KIF2A: variants seen among roughly 807,000 people sequenced by gnomAD.
KIF2A encodes the protein kinesin family member 2A, also known as kinesin-like protein KIF2A.
A neutral mutation model predicts 100.2 loss-of-function variants in KIF2A; 22 were observed. That is an observed-to-expected ratio of 0.22 (90% CI 0.16 to 0.31). KIF2A has a LOEUF of 0.31. KIF2A is among the 10% of genes least tolerant of loss of function. KIF2A has a pLI of 1.00. For missense variants in KIF2A, 495 were observed against 898.7 expected, an observed-to-expected ratio of 0.55 and a Z score of 5.74; for synonymous variants, 268 against 285.9, an observed-to-expected ratio of 0.94 and a Z score of 0.63.
chr5:62,352,630 A>C lies in KIF2A; in HGVS notation c.377A>C (p.Gln126Pro), dbSNP rs768119919. 2.5e-6 allele frequency: 4 copies of C among 1,603,480 alleles called. No individual in the cohort carries two copies. The highest frequency in any genetic ancestry group is 2.7e-5 in the African/African-American group (2 of 74,794). Residue 126 changes from glutamine to proline, a missense_variant, in exon 5 of 21, where the codon CAG becomes CCG. Physicochemically the swap from Gln to Pro is moderately conservative, Grantham distance 76. Transcript: ENST00000407818. ...GCACGGCCCAGTCAATTTCCTGAAC[A>C]GTCTTCCTCTGCACAACAGAATGGT... The part of the protein sequence containing the change: ...ARARPSQFPE[Q>P]SSSAQQNGSV...
chr5:62,350,097 AC>A lies in KIF2A; in HGVS notation c.314del (p.Pro105LeufsTer56). The A allele has an allele frequency of 6.3e-7, 1 of 1,587,990 alleles. No homozygotes were observed. Among genetic ancestry groups the A allele is most frequent in the East Asian group, 2.3e-5 (1 of 44,362 alleles). ...CGGACTGTAGCTTCTATTAAGAATG[AC>A]CCTCCTTCAAGAGATAATAGAGGTA... is the stretch of plus-strand genomic sequence containing the variant. ...NRRTVASIKN[D>X]PPSRDNRVVG... On this transcript the variant is annotated frameshift_variant, in exon 4 of 21. Transcript: ENST00000407818. LOFTEE classifies it high-confidence loss of function.
At chr5:62,383,145 T>C (rs150134885) in intron 20 of KIF2A, among the ~76,000 whole-genome samples, 1 of 151,500 alleles carries the variant, frequency 6.6e-6, no homozygotes, top group African/African-American at 2.4e-5. Context: ...CAGGCTGGTA[T>C]CGAACTCCTG....
At chr5:62,321,961 C>G (rs1438461406) in intron 1 of KIF2A, among the ~76,000 whole-genome samples, 2 of 152,174 alleles carry the variant, frequency 1.3e-5, no homozygotes, top group East Asian at 3.8e-4. Flanking sequence ...CACTCTGTCA[C>G]CCAGGCTGGA....
chr5:62,353,928 C>T (rs555543791), intron 6 of KIF2A, among the ~76,000 whole-genome samples: 1 of 149,306 alleles, frequency 6.7e-6, no homozygotes, highest in Non-Finnish European at 1.5e-5. Flanking sequence ...TGGTCTTTTA[C>T]TCTTCTACAG....
intron 3 of KIF2A, 104 bp from the exon 4 acceptor site, chr5:62,349,962 T>A (rs1462061387): frequency 8.9e-6 from 6 of 677,816 alleles, no homozygotes; most frequent in Non-Finnish European, 1.5e-5. Flanking sequence ...TGTTTTATAT[T>A]CTTACATGTC....
chr5:62,369,691 G>A (rs999219446), intron 16 of KIF2A, among the ~76,000 whole-genome samples: 3 of 149,500 alleles, frequency 2.0e-5, no homozygotes, highest in African/African-American at 7.4e-5. Context: ...TTTTTTAACA[G>A]CCAAAAATAA....
intron 16 of KIF2A, among the ~76,000 whole-genome samples, chr5:62,370,233 T>G (rs952338416): frequency 6.6e-6 from 1 of 152,186 alleles, no homozygotes; most frequent in African/African-American, 2.4e-5. Flanking sequence ...CAGTACACAT[T>G]GCTGCTAAGT....
At chr5:62,336,322 G>A (rs1746943849) in intron 1 of KIF2A, among the ~76,000 whole-genome samples, 1 of 152,196 alleles carries the variant, frequency 6.6e-6, no homozygotes, top group African/African-American at 2.4e-5. Context: ...CCGCTGATTT[G>A]CTCCTGGAGC....
At chr5:62,367,598 T>C (rs1184030076) in intron 16 of KIF2A, among the ~76,000 whole-genome samples, 1 of 152,178 alleles carries the variant, frequency 6.6e-6, no homozygotes, top group Non-Finnish European at 1.5e-5. Flanking sequence ...TTACATTTTG[T>C]TATTCATATT....
intron 1 of KIF2A, among the ~76,000 whole-genome samples, chr5:62,318,915 T>G (rs1745965925): frequency 2.0e-5 from 3 of 152,334 alleles, no homozygotes; most frequent in African/African-American, 7.2e-5. Flanking sequence ...TCCTCAAGTT[T>G]ACTTCAGTAT....
At chr5:62,342,129 A>G (rs1223914806) in intron 1 of KIF2A, among the ~76,000 whole-genome samples, 1 of 152,142 alleles carries the variant, frequency 6.6e-6, no homozygotes, top group African/African-American at 2.4e-5. Context: ...TTGTTGCTAT[A>G]ATCTTCTTGT....
At chr5:62,376,400 A>C (rs1005008354) in intron 18 of KIF2A, among the ~76,000 whole-genome samples, 1 of 143,786 alleles carries the variant, frequency 7.0e-6, no homozygotes, top group Non-Finnish European at 1.5e-5. Flanking sequence ...AGATCGGAGA[A>C]GTTTTTTTTG....
In KIF2A at chr5:62,381,068, TTC is replaced by T. The variant is rs145423193; in HGVS notation, c.2014-48_2014-47del. On this transcript the variant is annotated intron_variant, in intron 19 of 20. Transcript: ENST00000407818. ...ATATTTAACAGAATTGTAATTTGGTTTCTGTTGCACAAAGATGCTTATTGGAT... is the reference window on the plus strand; with the variant it reads ...ATATTTAACAGAATTGTAATTTGGTTTGTTGCACAAAGATGCTTATTGGAT... 13,354 of 1,438,810 alleles carry T rather than the reference TTC, an allele frequency of 9.3e-3. 784 individuals are homozygous for T. The African/African-American group carries it at 0.15, about 16-fold the overall frequency. 89.1% of individuals were successfully genotyped at this position (1,438,810 alleles called of 1,614,324 possible).
intron 1 of KIF2A, among the ~76,000 whole-genome samples, chr5:62,332,942 G>A (rs1278770466): frequency 6.6e-6 from 1 of 152,202 alleles, no homozygotes; most frequent in Non-Finnish European, 1.5e-5. Context: ...GTATATGAGA[G>A]GCTGTAGAAA....
intron 1 of KIF2A, among the ~76,000 whole-genome samples, chr5:62,323,212 C>T (rs541235130): frequency 1.7e-4 from 25 of 150,470 alleles, no homozygotes; most frequent in African/African-American, 5.4e-4. Flanking sequence ...GCCAAGATCA[C>T]GCCATTGCAC....
In KIF2A at chr5:62,343,167, A is replaced by G. The variant is rs1046695069; in HGVS notation, c.65-3963A>G. Among the ~76,000 whole-genome samples, 5 of 152,206 alleles carry G rather than the reference A, an allele frequency of 3.3e-5. No homozygotes were observed. The South Asian group carries it at 1.0e-3, about 31-fold the overall frequency. On this transcript the variant is annotated intron_variant, in intron 1 of 20. Transcript: ENST00000407818. ...TCTCAGAGGACTCCAAATGACACAT[A>G]TCACTTCCACTGGTTATTTACCTAA...
chr5:62,358,087 C>G (rs1748207860), intron 8 of KIF2A, 50 bp from the exon 9 acceptor site: 1 of 1,347,676 alleles, frequency 7.4e-7, no homozygotes, highest in Non-Finnish European at 1.0e-6. Context: ...TGTACATGAA[C>G]TCAAATGCTG....
chr5:62,335,531 A>G (rs541115428), intron 1 of KIF2A, among the ~76,000 whole-genome samples: 1 of 152,268 alleles, frequency 6.6e-6, no homozygotes, highest in Admixed American at 6.5e-5. Flanking sequence ...GGCCTGGAGG[A>G]GCTCAAGGGA....
intron 10 of KIF2A, 65 bp downstream of exon 10, chr5:62,361,397 T>TA: frequency 6.9e-7 from 1 of 1,439,834 alleles, no homozygotes; most frequent in Non-Finnish European, 9.8e-7. Flanking sequence ...ATAGCTTAAT[T>TA]CTGTGAACTA....
Sources: gnomAD v4.1 joint callset for allele counts (sites outside exome capture counted in the v4.1 genomes callset) on GRCh38, gnomAD v4.1.1 for gene constraint, MANE v1.5 for transcripts, NCBI Gene and HGNC (gene_info 2026-07-23, HGNC 2026-07-21) for gene names.